The following SLC38A6 variants were observed in gnomAD, a reference collection of about 807,000 sequenced individuals.
The protein encoded by SLC38A6 is solute carrier family 38 member 6.
A neutral mutation model predicts 65.0 loss-of-function variants in SLC38A6; 73 were observed. That is an observed-to-expected ratio of 1.12 (90% CI 0.93 to 1.37). The LOEUF (loss-of-function observed/expected upper bound fraction) is 1.37, where lower values mean the gene tolerates loss of function less well. Among genes scored for constraint, SLC38A6 ranks in the 40% most tolerant of loss-of-function variants. The pLI, the probability that SLC38A6 is intolerant of heterozygous loss-of-function variation, is 0.00. For missense variants in SLC38A6, 561 were observed against 531.1 expected (o/e 1.06, Z -0.55); for synonymous variants, 183 against 178.8 (o/e 1.02, Z -0.19).
intron 5 of SLC38A6, among the ~76,000 whole-genome samples, chr14:61,026,872 C>T (rs2139632595): frequency 6.6e-6 from 1 of 152,168 alleles, no homozygotes; most frequent in East Asian, 1.9e-4. Flanking sequence ...ACCAAGCATA[C>T]AGTAGGCATC....
chr14:61,032,379 A>G (rs535639314), intron 6 of SLC38A6, among the ~76,000 whole-genome samples: 1 of 151,954 alleles, frequency 6.6e-6, no homozygotes, highest in African/African-American at 2.4e-5. Flanking sequence ...TCTTTCTCTA[A>G]AAGTGATATT....
intron 5 of SLC38A6, among the ~76,000 whole-genome samples, chr14:61,027,433 A>C (rs2139636393): frequency 6.6e-6 from 1 of 152,222 alleles, no homozygotes; most frequent in East Asian, 1.9e-4. Context: ...GTCACCCAAA[A>C]TCATTTGCAA....
At chr14:60,988,300 A>G (rs1468386413) in intron 3 of SLC38A6, among the ~76,000 whole-genome samples, 1 of 152,168 alleles carries the variant, frequency 6.6e-6, no homozygotes, top group South Asian at 2.1e-4. Context: ...TCATGAATGT[A>G]TACCATCTAC....
intron 15 of SLC38A6, among the ~76,000 whole-genome samples, chr14:61,062,193 G>T (rs922086749): frequency 6.6e-6 from 1 of 152,188 alleles, no homozygotes; most frequent in South Asian, 2.1e-4. Context: ...ATGGAGCACA[G>T]TTCCTACACT....
chr14:60,984,838 A>T lies in SLC38A6; in HGVS notation c.310+35A>T, dbSNP rs550011926. On this transcript the variant is annotated intron_variant, in intron 3 of 15. Transcript: ENST00000267488. ...AATGTTATGCTGCTTCATTTAATAAAGGAGTCTCTTGAGTTTGTATCTACA... is the reference window on the plus strand; with the variant it reads ...AATGTTATGCTGCTTCATTTAATAATGGAGTCTCTTGAGTTTGTATCTACA... 7 of 1,583,926 alleles carry T rather than the reference A, an allele frequency of 4.4e-6. No individual in the cohort carries two copies. In the South Asian group the frequency reaches 6.6e-5, roughly 15 times the overall value.
intron 15 of SLC38A6, among the ~76,000 whole-genome samples, chr14:61,061,171 C>G (rs1299238801): frequency 1.3e-5 from 2 of 152,202 alleles, no homozygotes; most frequent in Admixed American, 6.5e-5. Flanking sequence ...TTATCAGAAG[C>G]CTTTTCTGCA....
chr14:61,051,255 G>T (rs2042492481), intron 13 of SLC38A6, among the ~76,000 whole-genome samples: 1 of 152,172 alleles, frequency 6.6e-6, no homozygotes, highest in Non-Finnish European at 1.5e-5. Flanking sequence ...CCTCCTCCCT[G>T]TGTGGGCTGC....
chr14:61,052,140 G>A lies in SLC38A6; in HGVS notation c.1290+5G>A, dbSNP rs375111086. 3.9e-6 allele frequency: 6 copies of A among 1,540,424 alleles called. No individual in the cohort carries two copies. Among genetic ancestry groups the A allele is most frequent in the Non-Finnish European group, 1.7e-6 (2 of 1,153,312 alleles). On this transcript the variant is annotated splice_donor_5th_base_variant and intron_variant, in intron 15 of 15. Transcript: ENST00000267488. The stretch of plus-strand genomic sequence containing the variant: ...CTGTCATGGAAAAAGCTTGGGGTAG[G>A]TTGTTTTTGTTTCTTTCTTTCAAGA...
chr14:61,051,688 G>T, intron 13 of SLC38A6, 99 bp from the exon 14 acceptor site: 1 of 1,347,716 alleles, frequency 7.4e-7, no homozygotes, highest in East Asian at 2.3e-5. Context: ...AAATGATGTA[G>T]GAGGCAAAAA....
At chr14:61,006,958 T>G (rs2039173875) in intron 3 of SLC38A6, among the ~76,000 whole-genome samples, 1 of 151,998 alleles carries the variant, frequency 6.6e-6, no homozygotes, top group African/African-American at 2.4e-5. Flanking sequence ...ATTAAGAAAA[T>G]GTGGCACATA....
chr14:61,007,815 A>AAT (rs986713144), intron 3 of SLC38A6, among the ~76,000 whole-genome samples: 3 of 152,148 alleles, frequency 2.0e-5, no homozygotes, highest in Non-Finnish European at 2.9e-5. Flanking sequence ...TCAGGTTTAA[A>AAT]ATATATATAC....
rs2037143173 is a variant in SLC38A6 at position 60,982,598 on chromosome 14, T to C, written c.196T>C (p.Leu66=). The C allele has an allele frequency of 1.9e-6, 3 of 1,613,882 alleles. No homozygotes were observed. Among genetic ancestry groups the C allele is most frequent in the African/African-American group, 1.3e-5 (1 of 74,930 alleles). ...NAIMGSGILG[L]AYVLANTGVF... is the part of the protein sequence containing the mutation. ...CATCATGGGAAGTGGCATCCTTGGC[T>C]TAGCTTATGTTTTGGCTAATACCGG... The change falls in exon 2 of 16, where the codon TTA becomes CTA. Residue 66 remains leucine (L), a synonymous_variant. Coordinates refer to ENST00000267488, the MANE Select transcript of SLC38A6 (RefSeq NM_153811.3).
At chr14:61,065,902 G>A (rs2043003860) in intron 15 of SLC38A6, among the ~76,000 whole-genome samples, 1 of 152,196 alleles carries the variant, frequency 6.6e-6, no homozygotes, top group Admixed American at 6.5e-5. Context: ...CTGGCTGGCT[G>A]TAGTGCTGAC....
At chr14:60,992,599 C>T (rs2037980748) in intron 3 of SLC38A6, among the ~76,000 whole-genome samples, 2 of 152,100 alleles carry the variant, frequency 1.3e-5, no homozygotes, top group African/African-American at 2.4e-5. Flanking sequence ...CTGTATTCTA[C>T]TCAGTGAACA....
At chr14:60,989,097 T>C (rs1406078925) in intron 3 of SLC38A6, among the ~76,000 whole-genome samples, 1 of 152,214 alleles carries the variant, frequency 6.6e-6, no homozygotes, top group Non-Finnish European at 1.5e-5. Flanking sequence ...TATTCTTCGC[T>C]TTCTGTTTCA....
intron 3 of SLC38A6, among the ~76,000 whole-genome samples, chr14:61,004,071 T>C (rs2139401130): frequency 6.6e-6 from 1 of 152,324 alleles, no homozygotes; most frequent in East Asian, 1.9e-4. Context: ...ACTGTCTTCA[T>C]TAAACTGTTA....
intron 3 of SLC38A6, among the ~76,000 whole-genome samples, chr14:61,012,690 G>A (rs546173395): frequency 2.3e-4 from 35 of 151,680 alleles, no homozygotes; most frequent in Non-Finnish European, 4.3e-4. Context: ...GTAGTTGAGC[G>A]GTGTTGAGTT....
At chr14:61,070,840 G>A (rs1279534152) in intron 15 of SLC38A6, among the ~76,000 whole-genome samples, 3 of 152,098 alleles carry the variant, frequency 2.0e-5, no homozygotes, top group South Asian at 2.1e-4. Context: ...ATGTCTGGTC[G>A]TTTGTATGTC....
At chr14:61,027,863 A>G (rs1274155194) in intron 5 of SLC38A6, among the ~76,000 whole-genome samples, 1 of 151,910 alleles carries the variant, frequency 6.6e-6, no homozygotes, top group East Asian at 1.9e-4. Flanking sequence ...CCCCTATAGT[A>G]AGTTCTGTGG....
Sources: gnomAD v4.1 joint callset for allele counts (sites outside exome capture counted in the v4.1 genomes callset) on GRCh38, gnomAD v4.1.1 for gene constraint, MANE v1.5 for transcripts, NCBI Gene and HGNC (gene_info 2026-07-23, HGNC 2026-07-21) for gene names.